Variants in SLIT3 observed in about 807,000 individuals in gnomAD.
SLIT3 encodes the protein slit homolog 3 protein.
In SLIT3, 68 loss-of-function variants were observed where a neutral mutation model predicts 184.0. The ratio of observed to expected loss-of-function variants is 0.37; its 90% CI spans 0.30 to 0.45. The LOEUF (loss-of-function observed/expected upper bound fraction) is 0.45, where lower values mean the gene tolerates loss of function less well. Among genes scored for constraint, SLIT3 ranks in the 20% least tolerant of loss-of-function variants. The pLI is 1.00. For synonymous variants in SLIT3, 831 were observed against 828.6 expected (o/e 1.00, Z -0.05); for missense variants, 1,707 against 2,026.0 (o/e 0.84, Z 3.02).
intron 4 of SLIT3, among the ~76,000 whole-genome samples, chr5:169,083,383 C>A (rs180818501): frequency 2.6e-5 from 4 of 152,326 alleles, no homozygotes; most frequent in East Asian, 3.9e-4. Context: ...AGCACACACA[C>A]CTGAAAGTGA....
intron 9 of SLIT3, among the ~76,000 whole-genome samples, chr5:168,803,934 A>C (rs1302143232): frequency 4.6e-5 from 7 of 151,748 alleles, no homozygotes; most frequent in Non-Finnish European, 1.0e-4. Context: ...AGAGGTGGGC[A>C]GAGTGGGGAA....
chr5:169,123,122 A>C (rs1454286720), intron 4 of SLIT3, among the ~76,000 whole-genome samples: 1 of 152,176 alleles, frequency 6.6e-6, no homozygotes, highest in Non-Finnish European at 1.5e-5. Context: ...CACCAAAATC[A>C]ACTTATACTA....
At chr5:168,757,657 G>A (rs964493498) in intron 16 of SLIT3, among the ~76,000 whole-genome samples, 3 of 152,086 alleles carry the variant, frequency 2.0e-5, no homozygotes, top group East Asian at 3.9e-4. Flanking sequence ...GGATGGTCTC[G>A]ATCTCTTGAC....
rs1864951 is a variant in SLIT3 at position 168,712,264 on chromosome 5, G to A, written c.2555+19C>T. The A allele has an allele frequency of 0.043, 68,646 of 1,604,444 alleles. 1,598 individuals are homozygous for A. Among genetic ancestry groups the A allele is most frequent in the African/African-American group, 0.073 (5,476 of 74,826 alleles). ...TTTCATGTTTTGAATGTTCATTGGGGAGAAACACTGCTACTTACAGATGGG... is the reference window on the plus strand; with the variant it reads ...TTTCATGTTTTGAATGTTCATTGGGAAGAAACACTGCTACTTACAGATGGG... On this transcript the variant is annotated intron_variant, in intron 24 of 35. Transcript: ENST00000519560.
At chr5:168,989,468 C>T (rs942167181) in intron 4 of SLIT3, among the ~76,000 whole-genome samples, 3 of 152,184 alleles carry the variant, frequency 2.0e-5, no homozygotes, top group Admixed American at 6.5e-5. Context: ...ACACTTGTCT[C>T]GCTCTTTGGG....
At chr5:169,100,453 G>A (rs1415519954) in intron 4 of SLIT3, among the ~76,000 whole-genome samples, 2 of 152,166 alleles carry the variant, frequency 1.3e-5, no homozygotes, top group Admixed American at 6.5e-5. Context: ...AGGCAAGAGT[G>A]GAAGAAAATG....
intron 4 of SLIT3, among the ~76,000 whole-genome samples, chr5:168,978,764 C>T (rs1358372251): frequency 2.0e-5 from 3 of 152,144 alleles, no homozygotes; most frequent in African/African-American, 7.2e-5. Flanking sequence ...AACCCAGTCC[C>T]AGGTGATTAG....
chr5:168,978,606 AAGGAG>A (rs1231552259), intron 4 of SLIT3, among the ~76,000 whole-genome samples: 1 of 152,182 alleles, frequency 6.6e-6, no homozygotes, highest in African/African-American at 2.4e-5. Flanking sequence ...TTCACCACAT[AAGGAG>A]AGAAGGATCA....
At chr5:168,779,843 C>G (rs1755903157) in intron 12 of SLIT3, among the ~76,000 whole-genome samples, 2 of 152,168 alleles carry the variant, frequency 1.3e-5, no homozygotes, top group Admixed American at 1.3e-4. Context: ...GTCCAGGTAA[C>G]ATGGGGAGAT....
chr5:169,230,634 C>T (rs1764971810), intron 3 of SLIT3, among the ~76,000 whole-genome samples: 1 of 152,274 alleles, frequency 6.6e-6, no homozygotes, highest in East Asian at 1.9e-4. Flanking sequence ...ATTAAAATTT[C>T]ATGAAAGTCA....
chr5:169,218,570 T>C (rs1264116063), intron 3 of SLIT3, among the ~76,000 whole-genome samples: 1 of 152,218 alleles, frequency 6.6e-6, no homozygotes, highest in Non-Finnish European at 1.5e-5. Context: ...TGCAGCTAGA[T>C]TGCCTAAACT....
intron 3 of SLIT3, among the ~76,000 whole-genome samples, chr5:169,214,505 G>C (rs1037564087): frequency 6.6e-6 from 1 of 152,202 alleles, no homozygotes; most frequent in Non-Finnish European, 1.5e-5. Context: ...AGGGCCCTCT[G>C]GAGAGGCAAA....
At chr5:168,773,626 T>C (rs1238292958) in intron 13 of SLIT3, among the ~76,000 whole-genome samples, 1 of 152,188 alleles carries the variant, frequency 6.6e-6, no homozygotes, top group Non-Finnish European at 1.5e-5. Context: ...CTGAGGTCTA[T>C]GCCTGAGACT....
chr5:168,919,647 A>T lies in SLIT3; in HGVS notation c.414-36311T>A, dbSNP rs1054869258. On this transcript the variant is annotated intron_variant, in intron 4 of 35. Transcript: ENST00000519560. ...ATTAGGTAATATGTAATTTTTTTAA[A>T]AAAAAAACAAAGAACATTAACTTTA... Among the ~76,000 whole-genome samples, 21 of 151,658 alleles carry T rather than the reference A, an allele frequency of 1.4e-4. 1 individual carries two copies. The highest frequency in any genetic ancestry group is 2.9e-4 in the African/African-American group (12 of 41,106).
intron 4 of SLIT3, among the ~76,000 whole-genome samples, chr5:168,897,647 T>TGCGCGCACACACACACACACACAC (rs3223457): frequency 3.3e-4 from 46 of 141,526 alleles, no homozygotes; most frequent in African/African-American, 1.1e-3. Flanking sequence ...CAGGTGCACG[T>TGCGCGCACACACACACACACACAC]ACACACACAC....
intron 3 of SLIT3, 144 bp downstream of exon 3, chr5:169,244,561 A>C (rs1305583369): frequency 6.1e-6 from 4 of 659,966 alleles, no homozygotes; most frequent in Non-Finnish European, 7.9e-6. Context: ...ATGTGCCTTA[A>C]GTATAATAGC....
intron 4 of SLIT3, among the ~76,000 whole-genome samples, chr5:168,999,910 G>A (rs62378632): frequency 0.035 from 5,358 of 152,258 alleles, 119 homozygotes; most frequent in Middle Eastern, 0.051. Flanking sequence ...ATGGCCTTGT[G>A]GCTCATGGCT....
intron 1 of SLIT3, among the ~76,000 whole-genome samples, chr5:169,298,129 C>T (rs944485126): frequency 6.6e-5 from 10 of 152,196 alleles, no homozygotes; most frequent in African/African-American, 1.9e-4. Context: ...CTCCTACAGA[C>T]TGTCCCCCAT....
chr5:169,175,145 A>G (rs1183545012), intron 4 of SLIT3, among the ~76,000 whole-genome samples: 1 of 152,240 alleles, frequency 6.6e-6, no homozygotes, highest in Non-Finnish European at 1.5e-5. Flanking sequence ...CATGGGAAGA[A>G]GGAACAAAAT....
Sources: allele counts gnomAD v4.1 joint callset (sites outside exome capture counted in the v4.1 genomes callset), GRCh38; gene constraint gnomAD v4.1.1; transcripts MANE v1.5; gene names NCBI Gene and HGNC (gene_info 2026-07-23, HGNC 2026-07-21).